PPARG: variants seen among roughly 807,000 people sequenced by gnomAD.
PPARG encodes the protein peroxisome proliferator activated receptor gamma, also known as peroxisome proliferator-activated receptor gamma.
In PPARG, 17 loss-of-function variants were observed where a neutral mutation model predicts 39.2. That is an observed-to-expected ratio of 0.43 (90% CI 0.30 to 0.65). PPARG has a LOEUF of 0.65. Among genes scored for constraint, PPARG ranks in the 30% least tolerant of loss-of-function variants. PPARG has a pLI of 0.13. For missense variants in PPARG, 406 were observed against 585.9 expected (o/e 0.69, Z 3.17); for synonymous variants, 223 against 215.7 (o/e 1.03, Z -0.30).
chr3:12,434,256 G>C lies in PPARG; in HGVS notation c.*111G>C. On this transcript the variant is annotated 3_prime_UTR_variant, in exon 8 of 8. Transcript: ENST00000651735. This position sits in a 1 kb window ranked among gnomAD's most constrained non-coding sequence, Gnocchi z 4.2. Reference sequence around the variant, plus strand: ...TGAAAAAGCATTTTAAAAAGAAAAGGTTTTAGAATATGATCTATTTTATGC... The same window carrying C: ...TGAAAAAGCATTTTAAAAAGAAAAGCTTTTAGAATATGATCTATTTTATGC... The C allele has an allele frequency of 7.1e-7, 1 of 1,399,040 alleles. No homozygotes were observed. Among genetic ancestry groups the C allele is most frequent in the Non-Finnish European group, 9.9e-7 (1 of 1,009,636 alleles). The allele number at this position is 1,399,040 out of a possible 1,614,324, so 86.7% of individuals were successfully genotyped here.
chr3:12,347,272 C>T (rs1372217489), intron 2 of PPARG, among the ~76,000 whole-genome samples: 8 of 151,874 alleles, frequency 5.3e-5, no homozygotes, highest in African/African-American at 1.9e-4. Flanking sequence ...GTCACTTGAG[C>T]CCAGGAGTTG....
At chr3:12,389,867 A>T (rs1036073079) in intron 4 of PPARG, among the ~76,000 whole-genome samples, 1 of 152,244 alleles carries the variant, frequency 6.6e-6, no homozygotes, top group Non-Finnish European at 1.5e-5. Context: ...ACTGCACTCC[A>T]GCCTGAGCAA....
At chr3:12,354,576 ACC>A (rs1375409045) in intron 2 of PPARG, among the ~76,000 whole-genome samples, 3 of 151,960 alleles carry the variant, frequency 2.0e-5, no homozygotes, top group Non-Finnish European at 4.4e-5. Context: ...ACACGATGAA[ACC>A]CTGTCTCTAC....
At chr3:12,339,738 A>T (rs1205121974) in intron 2 of PPARG, among the ~76,000 whole-genome samples, 1 of 152,192 alleles carries the variant, frequency 6.6e-6, no homozygotes, top group African/African-American at 2.4e-5. Context: ...AGAGGGTGTT[A>T]GTTTAAATGT....
intron 2 of PPARG, among the ~76,000 whole-genome samples, chr3:12,365,124 G>A (rs2048972790): frequency 6.6e-6 from 1 of 152,136 alleles, no homozygotes; most frequent in Non-Finnish European, 1.5e-5. Flanking sequence ...TTCACAATAG[G>A]GTTTGTGGTC....
At chr3:12,396,854 C>G (rs2050281876) in intron 5 of PPARG, among the ~76,000 whole-genome samples, 1 of 151,150 alleles carries the variant, frequency 6.6e-6, no homozygotes, top group Admixed American at 6.6e-5. Context: ...TAAGTTTAGG[C>G]TAAGTGCCCT....
At chr3:12,406,209 C>A in intron 6 of PPARG, 128 bp downstream of exon 6, 2 of 967,346 alleles carry the variant, frequency 2.1e-6, no homozygotes, top group Non-Finnish European at 3.3e-6. Flanking sequence ...TGGCTGTTAA[C>A]ATATTGCAGG....
At chr3:12,350,579 A>G (rs894523506) in intron 2 of PPARG, among the ~76,000 whole-genome samples, 10 of 152,252 alleles carry the variant, frequency 6.6e-5, no homozygotes, top group African/African-American at 9.6e-5. Context: ...CTGCTCCCAC[A>G]TCGGTAATTT....
chr3:12,406,922 G>C (rs2050694366), intron 6 of PPARG: 1 of 152,208 alleles, frequency 6.6e-6, no homozygotes, highest in African/African-American at 2.4e-5. Context: ...TGAGCTGCCT[G>C]GACTACTTCA....
chr3:12,407,134 A>G (rs2050699902), intron 6 of PPARG, among the ~76,000 whole-genome samples: 1 of 152,144 alleles, frequency 6.6e-6, no homozygotes, highest in Non-Finnish European at 1.5e-5. Flanking sequence ...GACCTGGATC[A>G]TGTCTCTGTA....
In PPARG at chr3:12,327,280, G is replaced by T. The variant is rs143109781; in HGVS notation, c.-9+14827G>T. 1.7e-4 allele frequency among the ~76,000 whole-genome samples: 26 copies of T among 152,274 alleles called. No individual in the cohort carries two copies. The East Asian group carries it at 4.8e-3, about 28-fold the overall frequency. On this transcript the variant is annotated intron_variant, in intron 2 of 7. Transcript: ENST00000651735. ...CCACTCCGGTTCCAATCTTCTGGAC[G>T]TAGAGTTTTCAAACCATCTATAAAT...
At chr3:12,306,922 C>T (rs1006483099) in intron 1 of PPARG, among the ~76,000 whole-genome samples, 2 of 151,978 alleles carry the variant, frequency 1.3e-5, no homozygotes, top group Non-Finnish European at 2.9e-5. Flanking sequence ...CACGGTGTAA[C>T]CCCATCTCTA....
intron 6 of PPARG, among the ~76,000 whole-genome samples, chr3:12,413,500 C>T (rs709151): frequency 0.28 from 42,373 of 152,016 alleles, 6,672 homozygotes; most frequent in East Asian, 0.42. Flanking sequence ...CTTCAGAATG[C>T]AGAAAGGATT....
intron 4 of PPARG, among the ~76,000 whole-genome samples, chr3:12,382,671 A>T (rs1236611052): frequency 2.6e-5 from 4 of 152,132 alleles, no homozygotes; most frequent in Non-Finnish European, 4.4e-5. Flanking sequence ...AGGTTTTCTC[A>T]TCTATAAAAT....
intron 2 of PPARG, among the ~76,000 whole-genome samples, chr3:12,377,697 C>A (rs892779211): frequency 1.3e-5 from 2 of 151,992 alleles, no homozygotes; most frequent in African/African-American, 2.4e-5. Context: ...CTTCTAATTT[C>A]AAGAGAGTAA....
intron 5 of PPARG, among the ~76,000 whole-genome samples, chr3:12,394,222 A>G (rs941658899): frequency 1.1e-4 from 16 of 152,238 alleles, no homozygotes; most frequent in Admixed American, 1.0e-3. Context: ...CTAGGAAAGC[A>G]TGCCAGTTCC....
At chr3:12,307,455 TA>T (rs1044689309) in intron 1 of PPARG, among the ~76,000 whole-genome samples, 5 of 152,220 alleles carry the variant, frequency 3.3e-5, no homozygotes, top group Non-Finnish European at 5.9e-5. Flanking sequence ...CCCCTACTCT[TA>T]AAAAAGTTGA....
At chr3:12,351,509 CTT>C in intron 2 of PPARG, 1 of 1,081,424 alleles carries the variant, frequency 9.2e-7, no homozygotes. Context: ...TACTTCAAGT[CTT>C]TTTCTTTTAA....
chr3:12,314,371 A>G (rs2047332418), intron 2 of PPARG, among the ~76,000 whole-genome samples: 1 of 152,138 alleles, frequency 6.6e-6, no homozygotes, highest in African/African-American at 2.4e-5. Context: ...CCACTTACTC[A>G]GTAATTACAA....
Sources: allele counts gnomAD v4.1 joint callset (sites outside exome capture counted in the v4.1 genomes callset), GRCh38; gene constraint gnomAD v4.1.1; non-coding constraint Gnocchi (gnomAD v3.1); transcripts MANE v1.5; gene names NCBI Gene and HGNC (gene_info 2026-07-23, HGNC 2026-07-21).